CTNNA2: variants seen among roughly 807,000 people sequenced by gnomAD.
CTNNA2 encodes the protein catenin alpha-2.
Under a neutral mutation model 101.0 loss-of-function variants are expected in CTNNA2, and 42 were observed. The ratio of observed to expected loss-of-function variants is 0.42; its 90% CI spans 0.32 to 0.54. CTNNA2 has a LOEUF of 0.54. Among genes scored for constraint, CTNNA2 ranks in the 20% least tolerant of loss-of-function variants. The probability of loss-of-function intolerance (pLI) is 0.14; values close to 1 mark genes in which losing one functional copy is unlikely to be tolerated. For synonymous variants in CTNNA2, 450 were observed against 456.4 expected (o/e 0.99, Z 0.18); for missense variants, 871 against 1,223.1 (o/e 0.71, Z 4.29).
intron 2 of CTNNA2, among the ~76,000 whole-genome samples, chr2:79,238,789 C>T (rs551939411): frequency 6.6e-6 from 1 of 152,216 alleles, no homozygotes; most frequent in South Asian, 2.1e-4. Context: ...CTTTACAAAA[C>T]CACTGTGACT....
At chr2:79,907,896 A>G (rs546018790) in intron 6 of CTNNA2, among the ~76,000 whole-genome samples, 139 of 152,280 alleles carry the variant, frequency 9.1e-4, no homozygotes, top group Non-Finnish European at 1.7e-3. Flanking sequence ...CTAAGTCCCA[A>G]CCTACCTACA....
chr2:79,272,501 T>C (rs1296629237), intron 2 of CTNNA2, among the ~76,000 whole-genome samples: 1 of 152,094 alleles, frequency 6.6e-6, no homozygotes, highest in Non-Finnish European at 1.5e-5. Flanking sequence ...CAAGAAGAGA[T>C]ATTCTGTTAA....
At chr2:80,552,907 A>T (rs1288256594) in intron 11 of CTNNA2, among the ~76,000 whole-genome samples, 1 of 152,132 alleles carries the variant, frequency 6.6e-6, no homozygotes, top group African/African-American at 2.4e-5. Context: ...AAAATTTTAA[A>T]AATTTATTTA....
chr2:79,808,436 G>A (rs1391403731), intron 3 of CTNNA2, among the ~76,000 whole-genome samples: 2 of 152,162 alleles, frequency 1.3e-5, no homozygotes, highest in African/African-American at 4.8e-5. Context: ...GAAGTTGCTT[G>A]GGGAAAGCCT....
chr2:79,198,405 A>G (rs1025454933), intron 2 of CTNNA2, among the ~76,000 whole-genome samples: 33 of 152,232 alleles, frequency 2.2e-4, no homozygotes, highest in African/African-American at 7.7e-4. Flanking sequence ...TTCTCTAGAC[A>G]CTATATTAAC....
intron 9 of CTNNA2, among the ~76,000 whole-genome samples, chr2:80,435,347 A>G (rs1314763811): frequency 6.6e-6 from 1 of 152,200 alleles, no homozygotes; most frequent in African/African-American, 2.4e-5. Context: ...TGAAATTACC[A>G]TTACTCAAAA....
intron 2 of CTNNA2, among the ~76,000 whole-genome samples, chr2:79,681,922 G>A (rs1683588548): frequency 6.6e-6 from 1 of 152,162 alleles, no homozygotes; most frequent in Admixed American, 6.6e-5. Flanking sequence ...CTTTGTTAGT[G>A]AGAAATTACA....
intron 7 of CTNNA2, among the ~76,000 whole-genome samples, chr2:79,995,526 C>T (rs1006962809): frequency 7.2e-5 from 11 of 152,084 alleles, no homozygotes; most frequent in African/African-American, 2.7e-4. Context: ...TTTTAAAAGT[C>T]TGGGCCAGGC....
chr2:79,793,857 T>G (rs986390583), intron 3 of CTNNA2, among the ~76,000 whole-genome samples: 2 of 149,528 alleles, frequency 1.3e-5, no homozygotes, highest in Admixed American at 6.7e-5. Flanking sequence ...TTTTTCCAAC[T>G]TTCCCCAATA....
At chr2:80,049,017 G>T (rs1297661481) in intron 7 of CTNNA2, among the ~76,000 whole-genome samples, 1 of 152,186 alleles carries the variant, frequency 6.6e-6, no homozygotes, top group Non-Finnish European at 1.5e-5. Context: ...AGGGGCTACA[G>T]TCTAGGGGCA....
intron 2 of CTNNA2, among the ~76,000 whole-genome samples, chr2:79,290,654 C>A (rs756392759): frequency 2.0e-5 from 3 of 152,128 alleles, no homozygotes; most frequent in Non-Finnish European, 4.4e-5. Context: ...CAACAGGCAC[C>A]AGCAGGCCGG....
intron 1 of CTNNA2, among the ~76,000 whole-genome samples, chr2:79,521,807 G>A (rs116039004): frequency 0.011 from 1,699 of 152,226 alleles, 20 homozygotes; most frequent in Middle Eastern, 0.034. Flanking sequence ...AGGTGACAGA[G>A]GGCAACGTGG....
At chr2:79,830,807 G>GTT (rs892271109) in intron 3 of CTNNA2, among the ~76,000 whole-genome samples, 1 of 152,126 alleles carries the variant, frequency 6.6e-6, no homozygotes, top group African/African-American at 2.4e-5. Flanking sequence ...TCCGATGCCC[G>GTT]TTTCTATTAG....
chr2:79,937,737 A>G lies in CTNNA2; in HGVS notation c.1056+27940A>G, dbSNP rs918675743. ...GAACAGGCTGGAGAGGCTTAAAGTA[A>G]AAGAAATGAAGACTGTATTCTAAAG... is the stretch of plus-strand genomic sequence containing the variant. On this transcript the variant is annotated intron_variant, in intron 7 of 18. Coordinates refer to ENST00000402739, the MANE Select transcript of CTNNA2 (RefSeq NM_001282597.3). Among the ~76,000 whole-genome samples the G allele has an allele frequency of 3.3e-5, 5 of 152,368 alleles. No homozygotes were observed. The South Asian group carries it at 1.0e-3, about 32-fold the overall frequency.
intron 7 of CTNNA2, among the ~76,000 whole-genome samples, chr2:80,085,471 C>T (rs1042616220): frequency 1.3e-5 from 2 of 152,034 alleles, no homozygotes; most frequent in Admixed American, 1.3e-4. Context: ...TAGTAACTTT[C>T]ACTTCAGAGC....
At chr2:79,289,195 C>T (rs1252798318) in intron 2 of CTNNA2, among the ~76,000 whole-genome samples, 2 of 152,102 alleles carry the variant, frequency 1.3e-5, no homozygotes, top group Non-Finnish European at 2.9e-5. Flanking sequence ...ACTATAGATT[C>T]CACCTCCTCA....
chr2:80,033,166 A>AG (rs59775009), intron 7 of CTNNA2, among the ~76,000 whole-genome samples: 1 of 150,558 alleles, frequency 6.6e-6, no homozygotes, highest in African/African-American at 2.4e-5. Context: ...AAAAAAAAAA[A>AG]CAAACACACA....
intron 7 of CTNNA2, among the ~76,000 whole-genome samples, chr2:80,327,179 T>C (rs1480542431): frequency 6.6e-6 from 1 of 152,342 alleles, no homozygotes; most frequent in African/African-American, 2.4e-5. Context: ...TAGCTGCTAC[T>C]CTTTTATTAA....
intron 4 of CTNNA2, among the ~76,000 whole-genome samples, chr2:79,861,587 T>C (rs1681629168): frequency 6.6e-6 from 1 of 152,234 alleles, no homozygotes; most frequent in South Asian, 2.1e-4. Flanking sequence ...TGAGAAGTTC[T>C]TCTCAGATAA....
Sources: allele counts gnomAD v4.1 joint callset (sites outside exome capture counted in the v4.1 genomes callset), GRCh38; gene constraint gnomAD v4.1.1; transcripts MANE v1.5; gene names NCBI Gene and HGNC (gene_info 2026-07-23, HGNC 2026-07-21).